TTC39B: variants seen among roughly 807,000 people sequenced by gnomAD.
TTC39B encodes tetratricopeptide repeat protein 39B.
In TTC39B, 92 loss-of-function variants were observed where a neutral mutation model predicts 96.6. The observed-to-expected ratio is 0.95, with a 90% confidence interval of 0.80 to 1.13. The LOEUF is 1.13. Ranked by LOEUF, TTC39B falls within the 50% of genes most tolerant of loss-of-function variation. The pLI is 0.00. For missense variants in TTC39B, 955 were observed against 809.3 expected (o/e 1.18, Z -2.18); for synonymous variants, 367 against 299.4 (o/e 1.23, Z -2.33).
chr9:15,290,357 G>C (rs1282559335), intron 1 of TTC39B, among the ~76,000 whole-genome samples: 1 of 152,134 alleles, frequency 6.6e-6, no homozygotes, highest in South Asian at 2.1e-4. Context: ...CCTCCCTTCT[G>C]TTCCTAAACA....
At chr9:15,198,545 T>G (rs561389024) in intron 8 of TTC39B, among the ~76,000 whole-genome samples, 26 of 151,276 alleles carry the variant, frequency 1.7e-4, no homozygotes, top group African/African-American at 6.3e-4. Flanking sequence ...TTATAATTTA[T>G]GTCCAGTGCT....
At chr9:15,183,539 G>A (rs1818359761) in intron 16 of TTC39B, 1 of 326,406 alleles carries the variant, frequency 3.1e-6, no homozygotes, top group East Asian at 9.0e-5. Context: ...TAGACCTGGA[G>A]AAAGAAGTGC....
intron 1 of TTC39B, among the ~76,000 whole-genome samples, chr9:15,287,436 G>T (rs1824013946): frequency 6.6e-6 from 1 of 152,200 alleles, no homozygotes; most frequent in Non-Finnish European, 1.5e-5. Context: ...AATTGCCACA[G>T]TTGAAATGGA....
At chr9:15,241,382 T>C (rs1388789647) in intron 2 of TTC39B, among the ~76,000 whole-genome samples, 1 of 152,106 alleles carries the variant, frequency 6.6e-6, no homozygotes, top group Non-Finnish European at 1.5e-5. Flanking sequence ...TCTAAGTGGA[T>C]GACTTATATT....
intron 2 of TTC39B, among the ~76,000 whole-genome samples, chr9:15,254,256 G>A (rs1158185580): frequency 6.6e-6 from 1 of 151,330 alleles, no homozygotes; most frequent in Non-Finnish European, 1.5e-5. Flanking sequence ...AATGACCAGG[G>A]ATAATTTTAT....
intron 4 of TTC39B, among the ~76,000 whole-genome samples, chr9:15,211,764 T>C (rs1330926011): frequency 6.6e-6 from 1 of 152,242 alleles, no homozygotes; most frequent in African/African-American, 2.4e-5. Context: ...AATGTATTTT[T>C]TGACAGAGAG....
intron 3 of TTC39B, among the ~76,000 whole-genome samples, chr9:15,220,314 G>C (rs1820774933): frequency 6.6e-6 from 1 of 152,194 alleles, no homozygotes; most frequent in Non-Finnish European, 1.5e-5. Flanking sequence ...TGGCTGGACA[G>C]CCAGACTACA....
At chr9:15,222,480 A>T (rs1404616418) in intron 3 of TTC39B, among the ~76,000 whole-genome samples, 1 of 152,052 alleles carries the variant, frequency 6.6e-6, no homozygotes, top group Non-Finnish European at 1.5e-5. Flanking sequence ...TTACTAACCA[A>T]TCCAAGGGAG....
intron 7 of TTC39B, 106 bp downstream of exon 7, chr9:15,203,717 T>C (rs1819677843): frequency 1.1e-6 from 1 of 892,780 alleles, no homozygotes; most frequent in Non-Finnish European, 1.7e-6. Context: ...CCATTACAAC[T>C]CTAAGTCAAA....
intron 2 of TTC39B, among the ~76,000 whole-genome samples, chr9:15,233,201 C>T (rs1199155378): frequency 6.6e-6 from 1 of 152,150 alleles, no homozygotes; most frequent in Non-Finnish European, 1.5e-5. Flanking sequence ...GCTAGGTCCT[C>T]CGTGAGAGAA....
intron 2 of TTC39B, among the ~76,000 whole-genome samples, chr9:15,264,527 C>T (rs1453763823): frequency 1.3e-5 from 2 of 151,664 alleles, no homozygotes; most frequent in African/African-American, 4.8e-5. Context: ...AGTTGGCAGG[C>T]GCCTATAATC....
chr9:15,247,104 C>T (rs1586952609), intron 2 of TTC39B, among the ~76,000 whole-genome samples: 1 of 152,206 alleles, frequency 6.6e-6, no homozygotes, highest in East Asian at 1.9e-4. Flanking sequence ...AGGTCAAATT[C>T]AAAGAGATCA....
chr9:15,221,571 T>A (rs1182505277), intron 3 of TTC39B, among the ~76,000 whole-genome samples: 1 of 152,068 alleles, frequency 6.6e-6, no homozygotes, highest in Non-Finnish European at 1.5e-5. Flanking sequence ...TGGTCTCTTT[T>A]GTTAGAGAAT....
At chr9:15,296,428 A>G (rs1824377399) in intron 1 of TTC39B, among the ~76,000 whole-genome samples, 2 of 152,216 alleles carry the variant, frequency 1.3e-5, no homozygotes, top group African/African-American at 4.8e-5. Flanking sequence ...CTTTACCCCA[A>G]AAGAAGAAGA....
intron 6 of TTC39B, among the ~76,000 whole-genome samples, chr9:15,206,065 C>G (rs1253787520): frequency 5.3e-5 from 8 of 152,078 alleles, no homozygotes; most frequent in Admixed American, 5.2e-4. Flanking sequence ...GAAAGATGAA[C>G]AAAGTTAAGA....
chr9:15,259,782 G>A (rs1822880377), intron 2 of TTC39B, among the ~76,000 whole-genome samples: 1 of 152,026 alleles, frequency 6.6e-6, no homozygotes, highest in South Asian at 2.1e-4. Context: ...ATGAGTCAAG[G>A]AGCATCTATC....
chr9:15,236,061 G>A (rs1275347223), intron 2 of TTC39B, among the ~76,000 whole-genome samples: 1 of 152,174 alleles, frequency 6.6e-6, no homozygotes, highest in Non-Finnish European at 1.5e-5. Context: ...ACCATCTGCT[G>A]CCTACAAGTG....
chr9:15,166,982 T>TTATATATATATATATATATA (rs1174714919), exon 20 of TTC39B: 1 of 20,280 alleles, frequency 4.9e-5, no homozygotes, highest in Non-Finnish European at 8.8e-5. Context: ...AACCTTTATT[T>TTATATATATATATATATATA]TATATATATA....
In TTC39B at chr9:15,307,199, C is replaced by G. The variant is rs146201898; in HGVS notation, c.125G>C (p.Ser42Thr). Residue 42 changes from serine to threonine, a missense_variant, in exon 1 of 20, where the codon AGC (serine) becomes ACC (threonine). Coordinates refer to ENST00000512701, the Ensembl canonical transcript of TTC39B. Reference sequence around the variant, plus strand: ...GCCGACTCCTGCTCTCGGCTCTGGGCTCAGCCCAGCGCAAAGGAGGGCAAA... The same window carrying G: ...GCCGACTCCTGCTCTCGGCTCTGGGGTCAGCCCAGCGCAAAGGAGGGCAAA... The G allele has an allele frequency of 1.1e-3, 1,744 of 1,568,762 alleles. 2 individuals are homozygous for G. The highest frequency in any genetic ancestry group is 1.4e-3 in the Non-Finnish European group (1,653 of 1,155,598).
Sources: allele counts gnomAD v4.1 joint callset (sites outside exome capture counted in the v4.1 genomes callset), GRCh38; gene constraint gnomAD v4.1.1; transcripts MANE v1.5; gene names NCBI Gene and HGNC (gene_info 2026-07-23, HGNC 2026-07-21).